The following TAF4 variants were observed in gnomAD, a reference collection of about 807,000 sequenced individuals.
TAF4 encodes the protein TATA-box binding protein associated factor 4, also known as transcription initiation factor TFIID subunit 4.
A neutral mutation model predicts 90.3 loss-of-function variants in TAF4; 9 were observed. The ratio of observed to expected loss-of-function variants is 0.10; its 90% confidence interval spans 0.06 to 0.17. TAF4 has a LOEUF of 0.17. Among genes scored for constraint, TAF4 ranks in the 10% least tolerant of loss-of-function variants. The probability of loss-of-function intolerance (pLI) is 1.00; values close to 1 mark genes in which losing one functional copy is unlikely to be tolerated. For missense variants in TAF4, 1,351 were observed against 1,370.7 expected, an observed-to-expected ratio of 0.99 and a Z score of 0.23; for synonymous variants, 818 against 638.9, an observed-to-expected ratio of 1.28 and a Z score of -4.23.
intron 1 of TAF4, among the ~76,000 whole-genome samples, chr20:62,033,267 T>C (rs553188242): frequency 3.3e-5 from 5 of 152,076 alleles, no homozygotes; most frequent in Non-Finnish European, 7.4e-5. Flanking sequence ...AAGATGCGTG[T>C]GTGGCAGGAA....
chr20:61,986,713 AAAAT>A (rs1356968637), intron 14 of TAF4, among the ~76,000 whole-genome samples: 2 of 152,290 alleles, frequency 1.3e-5, no homozygotes, highest in Admixed American at 1.3e-4. Flanking sequence ...CTCAAGCAAC[AAAAT>A]AAATAAACTG....
chr20:62,011,670 G>A (rs1445836796), intron 3 of TAF4, among the ~76,000 whole-genome samples: 6 of 152,106 alleles, frequency 3.9e-5, no homozygotes, highest in African/African-American at 1.4e-4. Flanking sequence ...GTTGCGGGGG[G>A]AGCTGCCCCT....
intron 14 of TAF4, among the ~76,000 whole-genome samples, chr20:61,977,720 C>G (rs774044699): frequency 1.1e-4 from 16 of 152,216 alleles, no homozygotes; most frequent in Non-Finnish European, 1.9e-4. Flanking sequence ...AGCCTCCGCA[C>G]TCCACACTAG....
intron 1 of TAF4, among the ~76,000 whole-genome samples, chr20:62,020,854 G>A (rs1354909966): frequency 8.5e-5 from 13 of 152,234 alleles, no homozygotes; most frequent in Admixed American, 2.0e-4. Flanking sequence ...GAGAAAATGT[G>A]AAGGAGCATT....
chr20:62,000,657 T>C lies in TAF4; in HGVS notation c.2551A>G (p.Arg851Gly). 6.2e-7 allele frequency: 1 copy of C among 1,614,264 alleles called. No individual in the cohort carries two copies. The highest frequency in any genetic ancestry group is 1.6e-4 in the Middle Eastern group (1 of 6,062). ...AATTCAGAGTTCGTGGCTAATATTC[T>C]TGCACTTTCTTCTGACAAGTTTACT... Reference protein sequence around the residue: ...AGVNLSEESARILATNSELVG... With the variant: ...AGVNLSEESAGILATNSELVG... Residue 851 changes from arginine to glycine, a missense_variant, in exon 10 of 15, where the codon AGA becomes GGA. By Grantham distance (125) the Arg-to-Gly change is moderately radical (BLOSUM62 -2). Coordinates refer to ENST00000252996, the MANE Select transcript of TAF4 (RefSeq NM_003185.4).
At chr20:62,049,577 T>C (rs542466320) in intron 1 of TAF4, among the ~76,000 whole-genome samples, 1 of 150,802 alleles carries the variant, frequency 6.6e-6, no homozygotes, top group South Asian at 2.1e-4. Context: ...CTCATCTACC[T>C]GAGTCACACC....
intron 1 of TAF4, among the ~76,000 whole-genome samples, chr20:62,031,390 T>C (rs1204278184): frequency 1.3e-5 from 2 of 152,208 alleles, no homozygotes; most frequent in Admixed American, 6.5e-5. Context: ...GACACTTTGC[T>C]AAACCTCAGG....
chr20:62,034,176 G>C (rs762536089), intron 1 of TAF4, among the ~76,000 whole-genome samples: 35 of 152,168 alleles, frequency 2.3e-4, no homozygotes, highest in Non-Finnish European at 4.7e-4. Context: ...AAATACAATT[G>C]TCATTAATTG....
In TAF4 at chr20:62,006,520, G is replaced by C. The variant is rs1407035087; in HGVS notation, c.2213C>G (p.Pro738Arg). Residue 738 changes from proline (P) to arginine (R), a missense_variant, in exon 7 of 15, where the codon CCC becomes CGC. Around this residue, in one of 9 missense-constraint regions of TAF4, gnomAD observed 202 missense variants for 229.7 expected, o/e 0.88. Transcript: ENST00000252996. The surrounding 1 kb of genome is among the most constrained non-coding windows in gnomAD (Gnocchi z 7.0). ...GCGCCCCTTCCATACCAGCGGTGTGGGTTGCCCCTGCTTGCCGACGCCGAC... is the reference window on the plus strand; with the variant it reads ...GCGCCCCTTCCATACCAGCGGTGTGCGTTGCCCCTGCTTGCCGACGCCGAC... Reference protein sequence around the residue: ...TQVGVGKQGQPTPLVIQQPPK... With the variant: ...TQVGVGKQGQRTPLVIQQPPK... The C allele has an allele frequency of 1.3e-6, 2 of 1,537,522 alleles. No homozygotes were observed. Among genetic ancestry groups the C allele is most frequent in the African/African-American group, 2.8e-5 (2 of 71,760 alleles).
chr20:61,984,176 C>T (rs1233816223), intron 14 of TAF4, among the ~76,000 whole-genome samples: 4 of 152,144 alleles, frequency 2.6e-5, no homozygotes, highest in South Asian at 2.1e-4. Flanking sequence ...GATGTCCACC[C>T]GCTCATCACG....
At chr20:62,057,411 G>A (rs2056070888) in intron 1 of TAF4, among the ~76,000 whole-genome samples, 1 of 152,212 alleles carries the variant, frequency 6.6e-6, no homozygotes, top group Non-Finnish European at 1.5e-5. Flanking sequence ...AAAACCTAAT[G>A]TCAAATTTGA....
intron 1 of TAF4, among the ~76,000 whole-genome samples, chr20:62,019,846 A>C (rs2055832709): frequency 6.6e-6 from 1 of 152,246 alleles, no homozygotes; most frequent in Non-Finnish European, 1.5e-5. Flanking sequence ...AGAGCATGCG[A>C]AGCTGTGCCA....
chr20:62,015,731 T>A (rs976799764), intron 1 of TAF4, among the ~76,000 whole-genome samples: 1 of 152,202 alleles, frequency 6.6e-6, no homozygotes, highest in Non-Finnish European at 1.5e-5. Context: ...AAGTAAGGCC[T>A]GAAAACCTCC....
intron 1 of TAF4, among the ~76,000 whole-genome samples, chr20:62,026,664 A>T (rs1289575824): frequency 1.3e-5 from 2 of 152,204 alleles, no homozygotes; most frequent in African/African-American, 4.8e-5. Flanking sequence ...ACACGAATCC[A>T]GCAGGCCACA....
At position 62,063,384 on chromosome 20, in the gene TAF4, T is replaced by C. The variant is rs28381997; in HGVS notation, c.1360+1067A>G. ...ACTGCTGCCACCGCGCTGCTACAAC[T>C]GCACGGCACGCGTCACCACAGGCCG... On this transcript the variant is annotated intron_variant, in intron 1 of 14. Transcript: ENST00000252996. Among the ~76,000 whole-genome samples, 1,415 of 152,012 alleles carry C rather than the reference T, an allele frequency of 9.3e-3. 69 individuals carry two copies. The highest frequency in any genetic ancestry group is 0.068 in the Admixed American group (1,044 of 15,270).
chr20:62,002,974 G>C (rs1294828817), intron 9 of TAF4, among the ~76,000 whole-genome samples, 186 bp downstream of exon 9: 1 of 152,206 alleles, frequency 6.6e-6, no homozygotes, highest in Non-Finnish European at 1.5e-5. Context: ...ACCTCTTTGA[G>C]CCAACTGTAT....
chr20:61,998,120 G>T lies in TAF4; in HGVS notation c.2970+16C>A. 1 of 1,613,688 alleles carries T rather than the reference G, an allele frequency of 6.2e-7. No individual in the cohort carries two copies. On this transcript the variant is annotated intron_variant, in intron 13 of 14. Transcript: ENST00000252996. ...CAGCAAAGTGCCCACGAGCACTCAC[G>T]ACTAACAGGGCTCACCTCCTTTGCC...
Position 61,976,046 on chromosome 20 carries a change from A to G in TAF4, c.*122T>C, listed in dbSNP as rs2055492457. On this transcript the variant is annotated 3_prime_UTR_variant, in exon 15 of 15. Transcript: ENST00000252996. ...TTTCACACTGAAGAGCTGATTTAGA[A>G]ACAGGAATATAAAACTGTTCCATTG... 2 of 1,075,582 alleles carry G rather than the reference A, an allele frequency of 1.9e-6. No homozygotes were observed. Among genetic ancestry groups the G allele is most frequent in the Non-Finnish European group, 1.4e-6 (1 of 736,078 alleles). The allele number at this position is 1,075,582 out of a possible 1,614,324, so 66.6% of individuals were successfully genotyped here.
chr20:62,055,825 G>A (rs891995073), intron 1 of TAF4, among the ~76,000 whole-genome samples: 1 of 152,142 alleles, frequency 6.6e-6, no homozygotes, highest in Admixed American at 6.5e-5. Context: ...CCTGTTAACT[G>A]CCTGGCCCCC....
Sources: allele counts gnomAD v4.1 joint callset (sites outside exome capture counted in the v4.1 genomes callset), GRCh38; gene constraint gnomAD v4.1.1; regional missense constraint gnomAD v4.1.1; non-coding constraint Gnocchi (gnomAD v3.1); transcripts MANE v1.5; gene names NCBI Gene and HGNC (gene_info 2026-07-23, HGNC 2026-07-21).